Variants in RASAL2 observed in about 807,000 individuals in gnomAD.
The protein encoded by RASAL2 is RAS protein activator like 2, also known as ras GTPase-activating protein nGAP.
Under a neutral mutation model 128.9 loss-of-function variants are expected in RASAL2, and 58 were observed. The observed-to-expected ratio is 0.45, with a 90% confidence interval of 0.36 to 0.56. RASAL2 has a LOEUF of 0.56. Ranked by LOEUF, RASAL2 falls within the 20% of genes least tolerant of loss-of-function variation. The probability of loss-of-function intolerance (pLI) is 0.00; values close to 1 mark genes in which losing one functional copy is unlikely to be tolerated. For synonymous variants in RASAL2, 561 were observed against 580.8 expected (o/e 0.97, Z 0.49); for missense variants, 1,360 against 1,601.6 (o/e 0.85, Z 2.57).
chr1:178,098,235 T>C (rs187434682), intron 1 of RASAL2, among the ~76,000 whole-genome samples: 109 of 152,336 alleles, frequency 7.2e-4, no homozygotes, highest in Non-Finnish European at 1.0e-3. Context: ...TCAGTGTCTG[T>C]TGTATGTTGA....
intron 3 of RASAL2, among the ~76,000 whole-genome samples, chr1:178,340,681 A>G (rs1669825621): frequency 6.6e-6 from 1 of 152,178 alleles, no homozygotes; most frequent in South Asian, 2.1e-4. Flanking sequence ...TCTGTCAATA[A>G]GTTAAAAAAA....
chr1:178,361,377 G>T (rs921926155), intron 3 of RASAL2, among the ~76,000 whole-genome samples: 3 of 151,872 alleles, frequency 2.0e-5, no homozygotes, highest in Admixed American at 1.3e-4. Context: ...TATAATTGTG[G>T]TTTTTAATGT....
intron 5 of RASAL2, among the ~76,000 whole-genome samples, chr1:178,430,963 A>AATACT (rs934400087): frequency 1.3e-5 from 2 of 151,516 alleles, no homozygotes; most frequent in African/African-American, 4.9e-5. Flanking sequence ...ATACCAGCAG[A>AATACT]ATACTATACG....
Position 178,300,117 on chromosome 1 carries a change from G to C in RASAL2, c.456G>C (p.Leu152=). Residue 152 remains leucine (L), a splice_region_variant and synonymous_variant, in exon 3 of 18, where the codon CTG becomes CTC. Coordinates refer to ENST00000367649, the MANE Select transcript of RASAL2 (RefSeq NM_170692.4). ...ACCCACCAGAGGGCGCCACTAAACT[G>C]GGTAAGCTACTATGAAAAGGAAATA... ...PEYPPEGATK[L]EVPAERSPRR... 1 of 1,606,888 alleles carries C rather than the reference G, an allele frequency of 6.2e-7. No homozygotes were observed. Among genetic ancestry groups the C allele is most frequent in the Non-Finnish European group, 8.5e-7 (1 of 1,177,926 alleles).
At chr1:178,244,633 T>C (rs977742220) in intron 1 of RASAL2, among the ~76,000 whole-genome samples, 5 of 152,230 alleles carry the variant, frequency 3.3e-5, no homozygotes, top group Non-Finnish European at 1.5e-5. Context: ...TAGGTATACA[T>C]GTGCCATGGT....
intron 1 of RASAL2, among the ~76,000 whole-genome samples, chr1:178,180,892 A>G (rs1206702273): frequency 6.6e-6 from 1 of 152,088 alleles, no homozygotes; most frequent in Non-Finnish European, 1.5e-5. Flanking sequence ...AGAAGAAACC[A>G]CTGAAATTTA....
chr1:178,348,591 G>A (rs1343769516), intron 3 of RASAL2, among the ~76,000 whole-genome samples: 1 of 152,052 alleles, frequency 6.6e-6, no homozygotes, highest in African/African-American at 2.4e-5. Context: ...GAGCTACCAC[G>A]CCCAGCCTGT....
At position 178,451,650 on chromosome 1, in the gene RASAL2, A is replaced by G. The variant is rs1265223596; in HGVS notation, c.1707A>G (p.Ile569Met). 1 of 1,613,916 alleles carries G rather than the reference A, an allele frequency of 6.2e-7. No individual in the cohort carries two copies. The highest frequency in any genetic ancestry group is 8.5e-7 in the Non-Finnish European group (1 of 1,179,802). The change falls in exon 10 of 18, where the codon ATA (isoleucine) becomes ATG (methionine). Residue 569 changes from isoleucine (I) to methionine (M), a missense_variant. By Grantham distance (10) the Ile-to-Met change is conservative. Coordinates refer to ENST00000367649, the MANE Select transcript of RASAL2 (RefSeq NM_170692.4). ...DPSKCSSSEL[I>M]DHQSNLKMCC... ...GCAAATGTTCATCTAGTGAACTGAT[A>G]GACCATCAGAGCAACCTGAAAATGT...
intron 1 of RASAL2, among the ~76,000 whole-genome samples, chr1:178,271,350 GGTCCATGTCTCT>G (rs1214113253): frequency 3.3e-5 from 5 of 151,978 alleles, no homozygotes; most frequent in Non-Finnish European, 7.4e-5. Flanking sequence ...TACTTTTGTG[GGTCCATGTCTCT>G]GTCTCTCCGT....
At chr1:178,408,851 G>A (rs767993310) in intron 4 of RASAL2, among the ~76,000 whole-genome samples, 1 of 152,110 alleles carries the variant, frequency 6.6e-6, no homozygotes, top group Non-Finnish European at 1.5e-5. Context: ...AGGCTACCTA[G>A]GCTCAAAGTT....
At chr1:178,381,947 AC>A (rs1316346699) in intron 3 of RASAL2, among the ~76,000 whole-genome samples, 1 of 152,198 alleles carries the variant, frequency 6.6e-6, no homozygotes, top group Admixed American at 6.5e-5. Flanking sequence ...CCTTATAAAT[AC>A]CAAACTGAAG....
At chr1:178,283,764 T>C in intron 2 of RASAL2, 73 bp downstream of exon 2, 1 of 1,567,328 alleles carries the variant, frequency 6.4e-7, no homozygotes, top group South Asian at 1.1e-5. Context: ...AGTTTTTGTT[T>C]GCATTTTGAA....
At chr1:178,351,732 G>GAAAA (rs571231229) in intron 3 of RASAL2, among the ~76,000 whole-genome samples, 2 of 111,046 alleles carry the variant, frequency 1.8e-5, no homozygotes, top group African/African-American at 6.2e-5. Context: ...CTATCTCAAG[G>GAAAA]AAAAAAAAAA....
rs73037541 is a variant in RASAL2, at chr1:178,452,790, T to C, written c.2009+138T>C. ...GTTATTAATAAATATAGCAAAAAAA[T>C]GGAAACAACTTAATCACTTCATAGA... On this transcript the variant is annotated intron_variant, in intron 11 of 17. Transcript: ENST00000367649. 0.023 allele frequency: 15,951 copies of C among 680,028 alleles called. 1,607 individuals carry two copies. The African/African-American group carries it at 0.24, about 10-fold the overall frequency. The allele number at this position is 680,028 out of a possible 1,614,324, so 42.1% of individuals were successfully genotyped here. A position where few individuals can be genotyped will look rare whatever the true frequency, so the allele number is the denominator to read the frequency against.
At chr1:178,241,426 G>A (rs184979045) in intron 1 of RASAL2, among the ~76,000 whole-genome samples, 6 of 152,258 alleles carry the variant, frequency 3.9e-5, no homozygotes, top group Admixed American at 1.3e-4. Flanking sequence ...CACTTTATGT[G>A]TGAGGAGAAA....
chr1:178,474,269 A>G lies in RASAL2; in HGVS notation c.*1030A>G, dbSNP rs1291565284. The G allele has an allele frequency of 6.6e-6, 1 of 152,660 alleles. No homozygotes were observed. The highest frequency in any genetic ancestry group is 2.4e-5 in the African/African-American group (1 of 41,452). 9.5% of individuals were successfully genotyped at this position (152,660 alleles called of 1,614,324 possible). On this transcript the variant is annotated 3_prime_UTR_variant, in exon 18 of 18. Transcript: ENST00000367649. ...CAGCTGGAATCTCTGAATATTTCCT[A>G]TTAAAAATTTTTTCTATGTGTTGTT...
chr1:178,190,614 C>A (rs905098241), intron 1 of RASAL2, among the ~76,000 whole-genome samples: 2 of 152,014 alleles, frequency 1.3e-5, no homozygotes, highest in Admixed American at 6.6e-5. Flanking sequence ...AAGTAAAGAA[C>A]AAGGAGTCCG....
chr1:178,248,146 T>C (rs996153424), intron 1 of RASAL2, among the ~76,000 whole-genome samples: 3 of 152,250 alleles, frequency 2.0e-5, no homozygotes, highest in African/African-American at 7.2e-5. Context: ...GTCTCGTTGA[T>C]CTGCTTAATA....
Position 178,455,395 on chromosome 1 carries a change from TA to T in RASAL2, c.2211+749del, listed in dbSNP as rs200640363. Among the ~76,000 whole-genome samples, 1,361 of 152,316 alleles carry T rather than the reference TA, an allele frequency of 8.9e-3. 9 individuals are homozygous for T. The highest frequency in any genetic ancestry group is 0.013 in the Non-Finnish European group (886 of 68,004). Reference sequence around the variant, plus strand: ...AAATATGTGTGGTGGTATGTTAGAATAACTTCAAAAGACAGTCATTTTTCTA... The same window carrying T: ...AAATATGTGTGGTGGTATGTTAGAATACTTCAAAAGACAGTCATTTTTCTA... On this transcript the variant is annotated intron_variant, in intron 12 of 17. Transcript: ENST00000367649.
Sources: allele counts gnomAD v4.1 joint callset (sites outside exome capture counted in the v4.1 genomes callset), GRCh38; gene constraint gnomAD v4.1.1; transcripts MANE v1.5; gene names NCBI Gene and HGNC (gene_info 2026-07-23, HGNC 2026-07-21).